The following AGMO variants were observed in gnomAD, a reference collection of about 807,000 sequenced individuals.
The protein encoded by AGMO is glyceryl-ether monooxygenase.
AGMO carries 75 observed loss-of-function variants against 60.2 expected under a neutral mutation model. That is an observed-to-expected ratio of 1.25 (90% CI 1.03 to 1.51). The LOEUF is 1.51. AGMO is among the 40% of genes most tolerant of loss of function. The pLI is 0.00. For synonymous variants in AGMO, 261 were observed against 177.1 expected (o/e 1.47, Z -3.76); for missense variants, 763 against 525.5 (o/e 1.45, Z -4.42).
Position 15,561,709 on chromosome 7 carries a change from T to A in AGMO, c.126+11A>T. 1 of 1,598,586 alleles carries A rather than the reference T, an allele frequency of 6.3e-7. No individual in the cohort carries two copies. Among genetic ancestry groups the A allele is most frequent in the Non-Finnish European group, 8.5e-7 (1 of 1,170,930 alleles). On this transcript the variant is annotated intron_variant, in intron 1 of 12. Transcript: ENST00000342526. ...CAAGAATAAGAGTAGCCTCTTCCAATAAAGTCTCACCTTTTTTACATAATC... is the reference window on the plus strand; with the variant it reads ...CAAGAATAAGAGTAGCCTCTTCCAAAAAAGTCTCACCTTTTTTACATAATC...
At chr7:15,306,425 G>T (rs1305204847) in intron 12 of AGMO, 1 of 442,286 alleles carries the variant, frequency 2.3e-6, no homozygotes, top group Non-Finnish European at 4.6e-6. Context: ...GTTTGGTAGA[G>T]AACTGGATAA....
At chr7:15,202,190 C>T (rs757875010) in intron 12 of AGMO, among the ~76,000 whole-genome samples, 9 of 151,868 alleles carry the variant, frequency 5.9e-5, no homozygotes, top group Non-Finnish European at 1.0e-4. Context: ...GTGTATACTT[C>T]CCCTCCATAC....
chr7:15,375,963 T>C (rs1036140636), intron 10 of AGMO, among the ~76,000 whole-genome samples: 3 of 152,132 alleles, frequency 2.0e-5, no homozygotes, highest in African/African-American at 7.2e-5. Context: ...TATTATTTGA[T>C]GCATATACTA....
the AGMO span, among the ~76,000 whole-genome samples, chr7:15,151,688 G>A: frequency 6.6e-6 from 1 of 152,048 alleles, no homozygotes; most frequent in Non-Finnish European, 1.5e-5. Context: ...CAGGATTTGG[G>A]TCTTTTTAAA....
intron 2 of AGMO, among the ~76,000 whole-genome samples, chr7:15,548,019 A>G (rs1170628420): frequency 1.4e-5 from 2 of 146,756 alleles, no homozygotes; most frequent in African/African-American, 2.4e-5. Context: ...CTGACACCGG[A>G]GCAGCCTAAC....
At chr7:15,193,008 A>G in the AGMO span, among the ~76,000 whole-genome samples, 8 of 152,350 alleles carry the variant, frequency 5.3e-5, no homozygotes, top group East Asian at 1.5e-3. Context: ...TCTATCTTTA[A>G]TAGCATGCCA....
chr7:15,352,698 T>C (rs1445551246), intron 12 of AGMO, among the ~76,000 whole-genome samples: 1 of 151,802 alleles, frequency 6.6e-6, no homozygotes, highest in Non-Finnish European at 1.5e-5. Flanking sequence ...TGTCATGTAC[T>C]AGTGGAAACC....
intron 3 of AGMO, among the ~76,000 whole-genome samples, chr7:15,442,210 C>T (rs952531001): frequency 5.3e-5 from 8 of 152,020 alleles, no homozygotes; most frequent in African/African-American, 1.7e-4. Flanking sequence ...AGCAATCTGC[C>T]CCTGTGATAG....
chr7:15,272,110 T>C (rs1783628827), intron 12 of AGMO, among the ~76,000 whole-genome samples: 1 of 151,976 alleles, frequency 6.6e-6, no homozygotes, highest in South Asian at 2.1e-4. Context: ...TGCATATATG[T>C]TTATCAGGGA....
chr7:15,266,955 C>G (rs1257611238), intron 12 of AGMO, among the ~76,000 whole-genome samples: 1 of 151,970 alleles, frequency 6.6e-6, no homozygotes, highest in Admixed American at 6.6e-5. Context: ...CTCTCTAAAA[C>G]AGTGACATAA....
chr7:15,321,215 T>C (rs905808830), intron 12 of AGMO, among the ~76,000 whole-genome samples: 1 of 152,158 alleles, frequency 6.6e-6, no homozygotes, highest in Non-Finnish European at 1.5e-5. Context: ...AGGGTGAACA[T>C]TCATACACTT....
intron 12 of AGMO, among the ~76,000 whole-genome samples, chr7:15,203,151 G>A (rs1781349257): frequency 6.6e-6 from 1 of 152,070 alleles, no homozygotes; most frequent in Non-Finnish European, 1.5e-5. Flanking sequence ...CTCATAAGTT[G>A]TATATAAAGT....
intron 3 of AGMO, among the ~76,000 whole-genome samples, chr7:15,466,119 C>T (rs901075867): frequency 2.0e-5 from 3 of 152,102 alleles, no homozygotes; most frequent in Non-Finnish European, 4.4e-5. Flanking sequence ...AGCCACTGAG[C>T]TAATTGTTGC....
rs531817345 is a variant in AGMO at position 15,369,937 on chromosome 7, G to A, written c.1075-3715C>T. Among the ~76,000 whole-genome samples the A allele has an allele frequency of 2.6e-5, 4 of 152,228 alleles. No individual in the cohort carries two copies. The East Asian group carries it at 7.7e-4, about 29-fold the overall frequency. On this transcript the variant is annotated intron_variant, in intron 10 of 12. Transcript: ENST00000342526. ...TTCAAATTTTATTTTAGGTTCAGGA[G>A]ATATATTTGCAGGTTTGTTACATTA...
chr7:15,120,208 G>A, the AGMO span, among the ~76,000 whole-genome samples: 1 of 151,582 alleles, frequency 6.6e-6, no homozygotes, highest in Non-Finnish European at 1.5e-5. Context: ...CATTCTCTTT[G>A]AAGTCACCCC....
intron 12 of AGMO, among the ~76,000 whole-genome samples, chr7:15,340,878 C>A (rs764714587): frequency 2.6e-5 from 4 of 152,126 alleles, no homozygotes; most frequent in Non-Finnish European, 5.9e-5. Context: ...AGAAGAGGGC[C>A]ACCGTTCTCG....
At chr7:15,380,766 A>T (rs1026887791) in intron 10 of AGMO, among the ~76,000 whole-genome samples, 10 of 152,180 alleles carry the variant, frequency 6.6e-5, no homozygotes, top group African/African-American at 2.4e-4. Flanking sequence ...ACATAACATT[A>T]TCCAACTTTG....
chr7:15,368,606 TAAA>T (rs886219763), intron 10 of AGMO, among the ~76,000 whole-genome samples: 21 of 152,132 alleles, frequency 1.4e-4, no homozygotes, highest in Non-Finnish European at 2.9e-4. Context: ...ATTAAATACT[TAAA>T]AGAGTGTTTG....
chr7:15,201,119 A>G lies in AGMO; in HGVS notation c.*166T>C, dbSNP rs1165234924. 1 of 455,506 alleles carries G rather than the reference A, an allele frequency of 2.2e-6. No individual in the cohort carries two copies. The highest frequency in any genetic ancestry group is 2.0e-5 in the African/African-American group (1 of 49,308). 28.2% of individuals were successfully genotyped at this position (455,506 alleles called of 1,614,324 possible). ...ACCAAAACTGACTTTAATTTTTAAT[A>G]GAAAATAACAAATGTGAAAGGCAAA... On this transcript the variant is annotated 3_prime_UTR_variant, in exon 13 of 13. Coordinates refer to ENST00000342526, the MANE Select transcript of AGMO (RefSeq NM_001004320.2).
Sources: gnomAD v4.1 joint callset for allele counts (sites outside exome capture counted in the v4.1 genomes callset) on GRCh38, gnomAD v4.1.1 for gene constraint, MANE v1.5 for transcripts, NCBI Gene and HGNC (gene_info 2026-07-23, HGNC 2026-07-21) for gene names.